CHSY1: variants seen among roughly 807,000 people sequenced by gnomAD.
CHSY1 encodes the protein N-acetylgalactosaminyl-proteoglycan 3-beta-glucuronosyltransferase 1.
A neutral mutation model predicts 59.8 loss-of-function variants in CHSY1; 13 were observed. The observed-to-expected ratio is 0.22, with a 90% CI of 0.14 to 0.35. The LOEUF (loss-of-function observed/expected upper bound fraction) is 0.35. Ranked by LOEUF, CHSY1 falls within the 10% of genes least tolerant of loss-of-function variation. The pLI, the probability that CHSY1 is intolerant of heterozygous loss-of-function variation, is 1.00. For synonymous variants in CHSY1, 459 were observed against 401.2 expected (o/e 1.14, Z -1.72); for missense variants, 947 against 1,030.6 (o/e 0.92, Z 1.11).
At chr15:101,226,625 T>C (rs2038844654) in intron 2 of CHSY1, among the ~76,000 whole-genome samples, 1 of 152,212 alleles carries the variant, frequency 6.6e-6, no homozygotes, top group Non-Finnish European at 1.5e-5. Context: ...TGCTATGTCC[T>C]AAACTTACCA....
At chr15:101,237,172 C>T (rs143767574) in intron 1 of CHSY1, among the ~76,000 whole-genome samples, 4,332 of 144,180 alleles carry the variant, frequency 0.03, 290 homozygotes, top group East Asian at 0.19. Flanking sequence ...TGCAATGAGC[C>T]GAGATCGCAC....
chr15:101,251,700 CGGCGCGCGCTAGCGGCGGCTCG>C lies in CHSY1; in HGVS notation c.-266_-245del, dbSNP rs1180080016. The C allele has an allele frequency of 1.4e-5, 2 of 147,856 alleles. No individual in the cohort carries two copies. Among genetic ancestry groups the C allele is most frequent in the Admixed American group, 1.3e-4 (2 of 14,894 alleles). The allele number at this position is 147,856 out of a possible 1,614,324, so 9.2% of individuals were successfully genotyped here. Reference sequence around the variant, plus strand: ...TGCGCCTTTAAGAGGGGACCATGCCCGGCGCGCGCTAGCGGCGGCTCGGGCGCGAGGTGGCGGCGGCTCCTCC... The same window carrying C: ...TGCGCCTTTAAGAGGGGACCATGCCCGGCGCGAGGTGGCGGCGGCTCCTCC... On this transcript the variant is annotated 5_prime_UTR_variant, in exon 1 of 3. The change abolishes the stop of an existing upstream ORF in the 5' untranslated region. Coordinates refer to ENST00000254190, the MANE Select transcript of CHSY1 (RefSeq NM_014918.5).
intron 2 of CHSY1, among the ~76,000 whole-genome samples, chr15:101,193,946 A>G (rs2038476994): frequency 6.6e-6 from 1 of 152,228 alleles, no homozygotes; most frequent in Non-Finnish European, 1.5e-5. Flanking sequence ...CAGCAAGGGT[A>G]GGGCCATCAG....
chr15:101,188,305 T>C (rs2038397117), intron 2 of CHSY1: 1 of 470,622 alleles, frequency 2.1e-6, no homozygotes, highest in African/African-American at 2.2e-5. Context: ...TTTAAACATT[T>C]AAATTACATT....
intron 2 of CHSY1, chr15:101,188,297 T>C (rs1183874706): frequency 1.8e-6 from 1 of 555,980 alleles, no homozygotes; most frequent in Non-Finnish European, 2.3e-6. Context: ...TCACGAGTTT[T>C]AAACATTTAA....
At chr15:101,183,192 C>T (rs1231720000) in intron 2 of CHSY1, among the ~76,000 whole-genome samples, 7 of 151,634 alleles carry the variant, frequency 4.6e-5, no homozygotes, top group Admixed American at 3.9e-4. Context: ...ATTCTAGGAA[C>T]AAAAAGCACA....
chr15:101,245,497 G>T (rs77753464), intron 1 of CHSY1, among the ~76,000 whole-genome samples: 3 of 152,068 alleles, frequency 2.0e-5, no homozygotes, highest in Non-Finnish European at 4.4e-5. Context: ...CAATACCATC[G>T]CTCGTTTCCT....
chr15:101,178,463 G>A lies in CHSY1; in HGVS notation c.1334C>T (p.Ala445Val). The change falls in exon 3 of 3, where the codon GCT becomes GTT. Residue 445 changes from alanine (A) to valine (V), a missense_variant. Coordinates refer to ENST00000254190, the MANE Select transcript of CHSY1 (RefSeq NM_014918.5). ...AAGCAGCAGGTCCAGGATGTACTCA[G>A]CCCCATACATGGGGTTCACCCGGCG... ...GYRRVNPMYG[A>V]EYILDLLLLY... 3.7e-6 allele frequency: 6 copies of A among 1,614,166 alleles called. No individual in the cohort carries two copies. Among genetic ancestry groups the A allele is most frequent in the Non-Finnish European group, 5.1e-6 (6 of 1,180,004 alleles).
chr15:101,199,802 C>CTGTGCATAAAA (rs1555434239), intron 2 of CHSY1, among the ~76,000 whole-genome samples: 1 of 152,176 alleles, frequency 6.6e-6, no homozygotes, highest in Non-Finnish European at 1.5e-5. Flanking sequence ...CAGTCTACTT[C>CTGTGCATAAAA]GGTTTTGTGC....
intron 2 of CHSY1, among the ~76,000 whole-genome samples, chr15:101,234,050 C>T (rs898702086): frequency 1.3e-5 from 2 of 152,170 alleles, no homozygotes; most frequent in Non-Finnish European, 2.9e-5. Context: ...TAACTGGTAT[C>T]AGATTGTGCA....
At chr15:101,248,219 C>T (rs1032846655) in intron 1 of CHSY1, among the ~76,000 whole-genome samples, 5 of 152,164 alleles carry the variant, frequency 3.3e-5, no homozygotes, top group African/African-American at 1.2e-4. Flanking sequence ...TTTAAGAGCT[C>T]AGTGTGGACT....
chr15:101,236,366 A>G (rs2038942534), intron 1 of CHSY1, among the ~76,000 whole-genome samples: 1 of 152,128 alleles, frequency 6.6e-6, no homozygotes, highest in African/African-American at 2.4e-5. Flanking sequence ...CACTGTTCTC[A>G]TGGTCAGGAG....
At chr15:101,199,520 C>T (rs1244359677) in intron 2 of CHSY1, among the ~76,000 whole-genome samples, 9 of 152,062 alleles carry the variant, frequency 5.9e-5, no homozygotes, top group African/African-American at 2.2e-4. Flanking sequence ...AACAAACGAA[C>T]AAACAAAAAA....
chr15:101,219,868 G>A (rs1455038491), intron 2 of CHSY1, among the ~76,000 whole-genome samples: 3 of 152,174 alleles, frequency 2.0e-5, no homozygotes, highest in Non-Finnish European at 4.4e-5. Context: ...CCAAGTTCAA[G>A]CAATTATCCT....
intron 2 of CHSY1, among the ~76,000 whole-genome samples, chr15:101,231,089 G>C (rs2038888345): frequency 1.3e-5 from 2 of 151,994 alleles, no homozygotes; most frequent in South Asian, 2.1e-4. Flanking sequence ...AGGGGTGGTG[G>C]AGGGGACAGG....
At chr15:101,211,075 G>C (rs1474999142) in intron 2 of CHSY1, among the ~76,000 whole-genome samples, 1 of 152,198 alleles carries the variant, frequency 6.6e-6, no homozygotes, top group African/African-American at 2.4e-5. Flanking sequence ...TGTAATCCCA[G>C]CACTTGGGGA....
chr15:101,180,037 T>C (rs886803873), intron 2 of CHSY1, among the ~76,000 whole-genome samples: 8 of 152,264 alleles, frequency 5.3e-5, no homozygotes, highest in African/African-American at 1.9e-4. Flanking sequence ...TTCATATTGT[T>C]AAAGACTAAC....
At chr15:101,240,256 T>C (rs1373211228) in intron 1 of CHSY1, among the ~76,000 whole-genome samples, 1 of 152,192 alleles carries the variant, frequency 6.6e-6, no homozygotes. Context: ...TTCAGGAACA[T>C]AAATCGTGAT....
chr15:101,184,645 C>T (rs1488612628), intron 2 of CHSY1, among the ~76,000 whole-genome samples: 5 of 152,030 alleles, frequency 3.3e-5, no homozygotes, highest in Non-Finnish European at 5.9e-5. Flanking sequence ...CCACCCAGCC[C>T]GGCCATTTTC....
Sources: gnomAD v4.1 joint callset for allele counts (sites outside exome capture counted in the v4.1 genomes callset) on GRCh38, gnomAD v4.1.1 for gene constraint, MANE v1.5 for transcripts, NCBI Gene and HGNC (gene_info 2026-07-23, HGNC 2026-07-21) for gene names.